BRINP1: variants seen among roughly 807,000 people sequenced by gnomAD.
BRINP1 encodes BMP/retinoic acid inducible neural specific 1.
A neutral mutation model predicts 72.9 loss-of-function variants in BRINP1; 17 were observed. The ratio of observed to expected loss-of-function variants is 0.23; its 90% confidence interval spans 0.16 to 0.35. BRINP1 has a LOEUF of 0.35. BRINP1 is among the 10% of genes least tolerant of loss of function. The pLI is 1.00. For synonymous variants in BRINP1, 418 were observed against 378.5 expected (o/e 1.10, Z -1.21); for missense variants, 850 against 1,001.6 (o/e 0.85, Z 2.04).
chr9:119,234,762 TAGG>T (rs1830178082), intron 5 of BRINP1, among the ~76,000 whole-genome samples: 1 of 152,190 alleles, frequency 6.6e-6, no homozygotes, highest in East Asian at 1.9e-4. Flanking sequence ...TGCCTTCCAC[TAGG>T]AGAATATGAT....
intron 2 of BRINP1, among the ~76,000 whole-genome samples, chr9:119,263,367 C>T (rs1830515389): frequency 1.3e-5 from 2 of 152,100 alleles, no homozygotes; most frequent in African/African-American, 4.8e-5. Context: ...CCCCCATTCT[C>T]CCCTGATAAA....
At chr9:119,270,600 T>C (rs373447700) in intron 2 of BRINP1, among the ~76,000 whole-genome samples, 3 of 152,160 alleles carry the variant, frequency 2.0e-5, no homozygotes, top group African/African-American at 7.2e-5. Context: ...CTTGAGCAAC[T>C]GGAAATATGA....
intron 7 of BRINP1, among the ~76,000 whole-genome samples, chr9:119,195,654 C>T (rs2118855556): frequency 6.6e-6 from 1 of 152,336 alleles, no homozygotes; most frequent in East Asian, 1.9e-4. Context: ...GAGCACCTTC[C>T]TGCTGTTACT....
intron 7 of BRINP1, among the ~76,000 whole-genome samples, chr9:119,189,455 A>G (rs1829660585): frequency 6.6e-6 from 1 of 152,172 alleles, no homozygotes; most frequent in African/African-American, 2.4e-5. Context: ...CACACAGCTG[A>G]AAGTGAAGGG....
Position 119,369,066 on chromosome 9 carries a change from T to G in BRINP1, c.-61A>C, listed in dbSNP as rs570335385. 1 of 395,862 alleles carries G rather than the reference T, an allele frequency of 2.5e-6. No individual in the cohort carries two copies. The highest frequency in any genetic ancestry group is 2.1e-5 in the African/African-American group (1 of 48,602). 24.5% of individuals were successfully genotyped at this position (395,862 alleles called of 1,614,324 possible). ...CCGGCGCCGCCTTACCTGGAGTCAATGTCCGTCTTTGGCGGAGAGCTGCGG... is the reference window on the plus strand; with the variant it reads ...CCGGCGCCGCCTTACCTGGAGTCAAGGTCCGTCTTTGGCGGAGAGCTGCGG... On this transcript the variant is annotated 5_prime_UTR_variant, in exon 1 of 8. Coordinates refer to ENST00000265922, the MANE Select transcript of BRINP1 (RefSeq NM_014618.3).
chr9:119,280,605 C>T (rs1328545776), intron 2 of BRINP1, among the ~76,000 whole-genome samples: 1 of 152,062 alleles, frequency 6.6e-6, no homozygotes, highest in Non-Finnish European at 1.5e-5. Flanking sequence ...GCAATAATTA[C>T]TTAGTAGGTC....
At chr9:119,260,005 C>T (rs974914772) in intron 2 of BRINP1, among the ~76,000 whole-genome samples, 1 of 152,208 alleles carries the variant, frequency 6.6e-6, no homozygotes, top group African/African-American at 2.4e-5. Flanking sequence ...CCCAAATCCA[C>T]ATTCTCAGCT....
intron 1 of BRINP1, among the ~76,000 whole-genome samples, chr9:119,356,445 T>G (rs532265723): frequency 6.6e-6 from 1 of 152,342 alleles, no homozygotes; most frequent in African/African-American, 2.4e-5. Context: ...CTTGGTCAGT[T>G]TGATTCCCTG....
intron 1 of BRINP1, among the ~76,000 whole-genome samples, chr9:119,356,084 C>T (rs1831562380): frequency 1.3e-5 from 2 of 152,106 alleles, no homozygotes; most frequent in South Asian, 4.1e-4. Context: ...TTCTTTCTCC[C>T]CCTACTTCCT....
At chr9:119,361,517 TTATTTTTTAGAAGACATC>T (rs1831629833) in intron 1 of BRINP1, among the ~76,000 whole-genome samples, 1 of 152,236 alleles carries the variant, frequency 6.6e-6, no homozygotes, top group Admixed American at 6.5e-5. Context: ...TTAAATTTCC[TTATTTTTTAGAAGACATC>T]TAAATCTTAT....
intron 1 of BRINP1, among the ~76,000 whole-genome samples, chr9:119,353,613 G>T (rs757101544): frequency 6.6e-6 from 1 of 151,918 alleles, no homozygotes; most frequent in African/African-American, 2.4e-5. Flanking sequence ...TTAGAGAGGA[G>T]GCCCACATTT....
At chr9:119,187,565 T>C (rs1588158150) in intron 7 of BRINP1, among the ~76,000 whole-genome samples, 1 of 144,830 alleles carries the variant, frequency 6.9e-6, no homozygotes. Flanking sequence ...CAGGGGAATG[T>C]CTTTTTCTAT....
chr9:119,198,277 C>G (rs1421729928), intron 7 of BRINP1, among the ~76,000 whole-genome samples: 1 of 152,162 alleles, frequency 6.6e-6, no homozygotes, highest in Non-Finnish European at 1.5e-5. Context: ...ACTATTGGTT[C>G]CAATTTCGTC....
chr9:119,186,095 C>T (rs776439574), intron 7 of BRINP1, among the ~76,000 whole-genome samples: 6 of 152,160 alleles, frequency 3.9e-5, no homozygotes, highest in Non-Finnish European at 8.8e-5. Context: ...CTGCTCCTGG[C>T]ACCTGAGCCC....
At chr9:119,300,277 G>GA (rs1273142057) in intron 2 of BRINP1, among the ~76,000 whole-genome samples, 3 of 151,976 alleles carry the variant, frequency 2.0e-5, no homozygotes, top group Non-Finnish European at 2.9e-5. Flanking sequence ...ACAAAAAATA[G>GA]AAAAAATTTT....
chr9:119,169,342 C>CT (rs1829369366), intron 7 of BRINP1, among the ~76,000 whole-genome samples: 1 of 152,210 alleles, frequency 6.6e-6, no homozygotes, highest in Non-Finnish European at 1.5e-5. Context: ...AGGGAGTTCC[C>CT]TTTCCGAAAC....
At chr9:119,261,344 A>T (rs779455433) in intron 2 of BRINP1, among the ~76,000 whole-genome samples, 51 of 152,192 alleles carry the variant, frequency 3.4e-4, no homozygotes, top group Non-Finnish European at 3.8e-4. Context: ...GTCAAAAATT[A>T]GTCATCGCTG....
At chr9:119,300,597 C>T (rs1830929752) in intron 2 of BRINP1, among the ~76,000 whole-genome samples, 1 of 151,704 alleles carries the variant, frequency 6.6e-6, no homozygotes, top group African/African-American at 2.4e-5. Flanking sequence ...CTTAATAGTC[C>T]CCTCCTTCTT....
intron 2 of BRINP1, among the ~76,000 whole-genome samples, chr9:119,304,781 T>C (rs1247249652): frequency 6.6e-6 from 1 of 152,240 alleles, no homozygotes; most frequent in Non-Finnish European, 1.5e-5. Flanking sequence ...TGAGGGTTAA[T>C]GAAACCCTTC....
Sources: allele counts gnomAD v4.1 joint callset (sites outside exome capture counted in the v4.1 genomes callset), GRCh38; gene constraint gnomAD v4.1.1; transcripts MANE v1.5; gene names NCBI Gene and HGNC (gene_info 2026-07-23, HGNC 2026-07-21).